Variants in CDH20 observed in about 807,000 individuals in gnomAD.
CDH20 encodes cadherin 20.
CDH20 carries 29 observed loss-of-function variants against 74.2 expected under a neutral mutation model. The observed-to-expected ratio is 0.39, with a 90% CI of 0.29 to 0.53. The LOEUF (loss-of-function observed/expected upper bound fraction) is 0.53, where lower values mean the gene tolerates loss of function less well. CDH20 is among the 20% of genes least tolerant of loss of function. CDH20 has a pLI of 0.69. For missense variants in CDH20, 988 were observed against 1,048.3 expected, an observed-to-expected ratio of 0.94 and a Z score of 0.79; for synonymous variants, 469 against 405.4, an observed-to-expected ratio of 1.16 and a Z score of -1.88.
rs1280988903 is a variant in CDH20, at chr18:61,550,006, G to C, written c.1677G>C (p.Arg559Ser). The C allele has an allele frequency of 6.2e-7, 1 of 1,614,030 alleles. No homozygotes were observed. Among genetic ancestry groups the C allele is most frequent in the African/African-American group, 1.3e-5 (1 of 74,938 alleles). Reference protein sequence around the residue: ...QDNTARILTRRSGFRQQEQSV... With the variant: ...QDNTARILTRSSGFRQQEQSV... ...ACACAGCACGGATTCTAACCAGGAG[G>C]TCTGGTTTCCGGCAGCAGGAGCAGA... The change falls in exon 11 of 12, where the codon AGG (arginine) becomes AGC (serine). Residue 559 changes from arginine (R) to serine (S), a missense_variant. Arg to Ser is a moderately radical substitution (Grantham distance 110). This residue lies in a region of CDH20 where 613 missense variants were observed against 755.2 expected (regional missense o/e 0.81). Coordinates refer to ENST00000262717, the MANE Select transcript of CDH20 (RefSeq NM_031891.4).
At chr18:61,466,287 T>G in intron 1 of CDH20, among the ~76,000 whole-genome samples, 1 of 152,194 alleles carries the variant, frequency 6.6e-6, no homozygotes, top group East Asian at 1.9e-4. Context: ...ATAGTTGTAC[T>G]TACAACATTT....
intron 1 of CDH20, among the ~76,000 whole-genome samples, chr18:61,440,750 C>G (rs540209702): frequency 6.6e-6 from 1 of 152,106 alleles, no homozygotes; most frequent in South Asian, 2.1e-4. Context: ...TTCAACAGGC[C>G]AGGCTTGTTC....
intron 2 of CDH20, among the ~76,000 whole-genome samples, chr18:61,492,551 C>T (rs1910995306): frequency 6.6e-6 from 1 of 152,238 alleles, no homozygotes; most frequent in South Asian, 2.1e-4. Context: ...CAGCCTGCCT[C>T]CTGGCATCCA....
At chr18:61,372,052 A>T (rs1911062102) in intron 1 of CDH20, among the ~76,000 whole-genome samples, 1 of 152,140 alleles carries the variant, frequency 6.6e-6, no homozygotes, top group Admixed American at 6.6e-5. Context: ...GTTTATAGTC[A>T]GGAAAGAACC....
intron 9 of CDH20, 117 bp from the exon 10 acceptor site, chr18:61,544,910 A>G: frequency 1.4e-6 from 1 of 712,940 alleles, no homozygotes; most frequent in Admixed American, 1.9e-5. Context: ...CATACCAATG[A>G]TATCCTTCTC....
chr18:61,456,487 G>A (rs1252987201), intron 1 of CDH20, among the ~76,000 whole-genome samples: 2 of 152,050 alleles, frequency 1.3e-5, no homozygotes, highest in Non-Finnish European at 2.9e-5. Flanking sequence ...CTGCTTTTAT[G>A]TTTAAAAATT....
At chr18:61,457,960 T>C (rs1454281041) in intron 1 of CDH20, among the ~76,000 whole-genome samples, 2 of 152,214 alleles carry the variant, frequency 1.3e-5, no homozygotes, top group Non-Finnish European at 2.9e-5. Flanking sequence ...ACTCCTTTTA[T>C]GAGTAAAGGA....
rs1190382155 is a variant in CDH20 at position 61,554,487 on chromosome 18, C to A, written c.2198C>A (p.Ala733Asp). ...TACGTGCTGGCCAAGCTCTACGAGG[C>A]CGACATGGACCTGTGGGCACCGCCC... ...HSYVLAKLYE[A>D]DMDLWAPPFD... The change falls in exon 12 of 12, where the codon GCC (alanine) becomes GAC (aspartate). Residue 733 changes from alanine (A) to aspartate (D), a missense_variant. Coordinates refer to ENST00000262717, the MANE Select transcript of CDH20 (RefSeq NM_031891.4). 1.2e-6 allele frequency: 2 copies of A among 1,612,844 alleles called. No individual in the cohort carries two copies. Among genetic ancestry groups the A allele is most frequent in the South Asian group, 2.2e-5 (2 of 90,934 alleles).
chr18:61,413,103 A>C (rs1912565713), intron 1 of CDH20, among the ~76,000 whole-genome samples: 1 of 152,228 alleles, frequency 6.6e-6, no homozygotes, highest in Non-Finnish European at 1.5e-5. Flanking sequence ...CCAACTACCT[A>C]AAATGAACTG....
At chr18:61,522,336 T>C (rs1485150212) in intron 6 of CDH20, among the ~76,000 whole-genome samples, 1 of 152,024 alleles carries the variant, frequency 6.6e-6, no homozygotes, top group African/African-American at 2.4e-5. Context: ...GAGAATAAAA[T>C]ATCTAGGAAT....
Position 61,544,866 on chromosome 18 carries a change from C to A in CDH20, c.1531-161C>A, listed in dbSNP as rs952203043. On this transcript the variant is annotated intron_variant, in intron 9 of 11. Coordinates refer to ENST00000262717, the MANE Select transcript of CDH20 (RefSeq NM_031891.4). ...GATGGAGCCCTCACCAGGAACCCTGCCCTTCTCTACCCAGCATTTCCCTGC... is the reference window on the plus strand; with the variant it reads ...GATGGAGCCCTCACCAGGAACCCTGACCTTCTCTACCCAGCATTTCCCTGC... 3.3e-5 allele frequency among the ~76,000 whole-genome samples: 5 copies of A among 152,146 alleles called. No homozygotes were observed. In the East Asian group the frequency reaches 9.6e-4, roughly 29 times the overall value.
At chr18:61,497,221 T>C (rs1911203085) in intron 2 of CDH20, among the ~76,000 whole-genome samples, 2 of 151,852 alleles carry the variant, frequency 1.3e-5, no homozygotes, top group African/African-American at 2.4e-5. Flanking sequence ...TTTCGGTCAA[T>C]TTTATTCCCT....
intron 1 of CDH20, among the ~76,000 whole-genome samples, chr18:61,388,730 AT>A (rs1911678135): frequency 6.6e-6 from 1 of 152,204 alleles, no homozygotes. Context: ...CAAGTTAGAA[AT>A]TCTTTCAGGT....
chr18:61,443,821 A>G (rs1468399100), intron 1 of CDH20, among the ~76,000 whole-genome samples: 1 of 152,046 alleles, frequency 6.6e-6, no homozygotes, highest in Non-Finnish European at 1.5e-5. Context: ...ATGGTGCTCT[A>G]TTAGGAATTT....
chr18:61,472,984 T>C (rs981650761), intron 1 of CDH20, among the ~76,000 whole-genome samples: 3 of 152,244 alleles, frequency 2.0e-5, no homozygotes, highest in African/African-American at 7.2e-5. Context: ...TTAAGACTGA[T>C]TGCAGGAGCA....
intron 1 of CDH20, among the ~76,000 whole-genome samples, chr18:61,442,388 A>G (rs1909064838): frequency 6.7e-6 from 1 of 148,336 alleles, no homozygotes; most frequent in Non-Finnish European, 1.5e-5. Context: ...AAAAAAACAG[A>G]AGCAAATGCT....
chr18:61,439,208 T>C (rs1024660025), intron 1 of CDH20, among the ~76,000 whole-genome samples: 11 of 152,220 alleles, frequency 7.2e-5, no homozygotes, highest in East Asian at 3.9e-4. Flanking sequence ...CATAACGCAA[T>C]ATATCCCTGT....
At chr18:61,457,090 C>G (rs1175180082) in intron 1 of CDH20, among the ~76,000 whole-genome samples, 1 of 152,012 alleles carries the variant, frequency 6.6e-6, no homozygotes, top group Non-Finnish European at 1.5e-5. Flanking sequence ...TCTAAATAGA[C>G]CTTGTGTTCT....
chr18:61,497,080 A>G (rs899435576), intron 2 of CDH20, among the ~76,000 whole-genome samples: 2 of 129,420 alleles, frequency 1.5e-5, no homozygotes, highest in African/African-American at 6.3e-5. Context: ...TAAATAGAAG[A>G]TTTGGATTGT....
Sources: allele counts gnomAD v4.1 joint callset (sites outside exome capture counted in the v4.1 genomes callset), GRCh38; gene constraint gnomAD v4.1.1; regional missense constraint gnomAD v4.1.1; transcripts MANE v1.5; gene names NCBI Gene and HGNC (gene_info 2026-07-23, HGNC 2026-07-21).